TMEM114: variants seen among roughly 807,000 people sequenced by gnomAD.
TMEM114 encodes the protein claudin-26.
A neutral mutation model predicts 6.2 loss-of-function variants in TMEM114; 6 were observed. The observed-to-expected ratio is 0.97, with a 90% CI of 0.53 to 1.91. The LOEUF is 1.91. Among genes scored for constraint, TMEM114 ranks in the 40% most tolerant of loss-of-function variants. TMEM114 has a pLI of 0.01. For missense variants in TMEM114, 218 were observed against 158.3 expected, an observed-to-expected ratio of 1.38 and a Z score of -2.02; for synonymous variants, 104 against 73.0, an observed-to-expected ratio of 1.42 and a Z score of -2.16.
At chr16:8,555,086 C>G (rs1273755531) in intron 2 of TMEM114, among the ~76,000 whole-genome samples, 2 of 152,198 alleles carry the variant, frequency 1.3e-5, no homozygotes, top group Admixed American at 6.5e-5. Context: ...TTCACAGTAA[C>G]CTTTGTGGTT....
At chr16:8,564,248 A>AATAC (rs1901429978) in intron 2 of TMEM114, among the ~76,000 whole-genome samples, 1 of 8,424 alleles carries the variant, frequency 1.2e-4, no homozygotes, top group African/African-American at 3.1e-4. Flanking sequence ...TGAATGAGTG[A>AATAC]GTGAGTGAAT....
the TMEM114 span, among the ~76,000 whole-genome samples, chr16:8,528,712 A>T: frequency 1.3e-5 from 2 of 152,242 alleles, no homozygotes; most frequent in African/African-American, 4.8e-5. Flanking sequence ...AAAATGCATG[A>T]ACTTTCTTCT....
the TMEM114 span, among the ~76,000 whole-genome samples, chr16:8,528,731 C>T: frequency 6.6e-6 from 1 of 152,202 alleles, no homozygotes; most frequent in African/African-American, 2.4e-5. Flanking sequence ...CTTTATAAAG[C>T]ATGAAAGTGC....
the TMEM114 span, among the ~76,000 whole-genome samples, chr16:8,529,648 T>C: frequency 8.4e-3 from 1,279 of 152,010 alleles, 25 homozygotes; most frequent in African/African-American, 0.029. Flanking sequence ...GTGTTTCTCA[T>C]GCACACTAAA....
At chr16:8,538,593 C>G (rs1184557010) in intron 2 of TMEM114, among the ~76,000 whole-genome samples, 1 of 152,018 alleles carries the variant, frequency 6.6e-6, no homozygotes, top group Non-Finnish European at 1.5e-5. Context: ...CTGCAAACTC[C>G]ACATCTTGGG....
rs377217112 is a variant in TMEM114, at chr16:8,546,352, A to C, written n.213-8526T>G. ...TGTAAACATGTATAAATGAGGAGCC[A>C]AGACTTTCATGTGATCTCTTTAGGT... On this transcript the variant is annotated intron_variant and non_coding_transcript_variant, in intron 2 of 2. Coordinates refer to the TMEM114 transcript ENST00000623677. Among the ~76,000 whole-genome samples the C allele has an allele frequency of 1.8e-4, 27 of 152,336 alleles. No homozygotes were observed. In the East Asian group the frequency reaches 3.7e-3, roughly 21 times the overall value.
intron 2 of TMEM114, among the ~76,000 whole-genome samples, chr16:8,588,130 A>T (rs1487873624): frequency 6.6e-6 from 1 of 152,074 alleles, no homozygotes; most frequent in Non-Finnish European, 1.5e-5. Flanking sequence ...TACTAGAAAT[A>T]TGAAAAATTA....
At chr16:8,569,172 G>A (rs900981799), downstream of TMEM114, among the ~76,000 whole-genome samples, 6 of 152,208 alleles carry the variant, frequency 3.9e-5, no homozygotes, top group African/African-American at 1.2e-4. Flanking sequence ...TGAAAGGAGG[G>A]ATGGATTTTT....
chr16:8,538,972 C>T (rs1399432309), intron 2 of TMEM114, among the ~76,000 whole-genome samples: 1 of 152,138 alleles, frequency 6.6e-6, no homozygotes, highest in Non-Finnish European at 1.5e-5. Context: ...TCCTCCATCT[C>T]TAGTCAAATG....
chr16:8,584,922 C>CAAAAAAAAA (rs905674847), intron 2 of TMEM114, among the ~76,000 whole-genome samples: 2 of 49,076 alleles, frequency 4.1e-5, no homozygotes, highest in African/African-American at 7.0e-5. Flanking sequence ...AACGCCGTCT[C>CAAAAAAAAA]AAAAAAAAAA....
At chr16:8,587,428 ACC>A (rs1432199685) in intron 2 of TMEM114, among the ~76,000 whole-genome samples, 4 of 152,140 alleles carry the variant, frequency 2.6e-5, no homozygotes, top group African/African-American at 9.7e-5. Context: ...TTTAAACCCC[ACC>A]CCACAAAAAA....
intron 2 of TMEM114, among the ~76,000 whole-genome samples, chr16:8,549,137 G>A (rs902477505): frequency 1.7e-4 from 23 of 136,712 alleles, no homozygotes; most frequent in African/African-American, 2.8e-4. Flanking sequence ...AGCCGAGATC[G>A]TACCACTGCA....
intron 2 of TMEM114, among the ~76,000 whole-genome samples, chr16:8,551,764 A>C (rs1013477031): frequency 6.6e-6 from 1 of 152,242 alleles, no homozygotes; most frequent in Non-Finnish European, 1.5e-5. Flanking sequence ...GGGGTGTTTC[A>C]TTAAACTTCT....
At chr16:8,539,851 T>C (rs1900467716) in intron 2 of TMEM114, among the ~76,000 whole-genome samples, 1 of 152,170 alleles carries the variant, frequency 6.6e-6, no homozygotes, top group African/African-American at 2.4e-5. Flanking sequence ...AGAGTCTCGC[T>C]CTGCCACCCA....
At chr16:8,580,234 C>A (rs1253527604) in intron 2 of TMEM114, among the ~76,000 whole-genome samples, 1 of 152,100 alleles carries the variant, frequency 6.6e-6, no homozygotes, top group African/African-American at 2.4e-5. Flanking sequence ...TGCCTGTAAT[C>A]CCAGCACTTA....
At chr16:8,580,814 C>T (rs1164964717) in intron 2 of TMEM114, among the ~76,000 whole-genome samples, 2 of 152,158 alleles carry the variant, frequency 1.3e-5, no homozygotes, top group Non-Finnish European at 2.9e-5. Context: ...CTTCAGCCTC[C>T]CAAGTAGCTG....
In TMEM114 at chr16:8,572,069, G is replaced by C; in HGVS notation, c.439+18C>G. On this transcript the variant is annotated intron_variant, in intron 3 of 3. Transcript: ENST00000620492. ...CCCCAGACCACAAGCCAGAGCCCTAGGCAGGGTGGGCACCTACCTCCAAAG... is the reference window on the plus strand; with the variant it reads ...CCCCAGACCACAAGCCAGAGCCCTACGCAGGGTGGGCACCTACCTCCAAAG... 3 of 1,528,076 alleles carry C rather than the reference G, an allele frequency of 2.0e-6. No individual in the cohort carries two copies. Among genetic ancestry groups the C allele is most frequent in the Non-Finnish European group, 1.8e-6 (2 of 1,135,626 alleles). The allele number at this position is 1,528,076 out of a possible 1,614,324, so 94.7% of individuals were successfully genotyped here. A position where few individuals can be genotyped will look rare whatever the true frequency, so the allele number is the denominator to read the frequency against.
downstream of TMEM114, chr16:8,537,474 C>T (rs555953272): frequency 6.6e-6 from 1 of 152,148 alleles, no homozygotes; most frequent in South Asian, 2.1e-4. Flanking sequence ...ACACCCCAGC[C>T]TGGGTGACAG....
downstream of TMEM114, among the ~76,000 whole-genome samples, chr16:8,532,941 T>G (rs2030984): frequency 0.59 from 89,378 of 151,918 alleles, 26,320 homozygotes; most frequent in South Asian, 0.69. Flanking sequence ...GGAAAAAAAA[T>G]AAAGAAAAGA....
Sources: gnomAD v4.1 joint callset for allele counts (sites outside exome capture counted in the v4.1 genomes callset) on GRCh38, gnomAD v4.1.1 for gene constraint, MANE v1.5 for transcripts, NCBI Gene and HGNC (gene_info 2026-07-23, HGNC 2026-07-21) for gene names.